CYRIB: variants seen among roughly 807,000 people sequenced by gnomAD.
The protein encoded by CYRIB is CYFIP-related Rac1 interactor B.
Under a neutral mutation model 44.2 loss-of-function variants are expected in CYRIB, and 8 were observed. That is an observed-to-expected ratio of 0.18 (90% CI 0.11 to 0.33). CYRIB has a LOEUF of 0.33. CYRIB is among the 10% of genes least tolerant of loss of function. The pLI, the probability that CYRIB is intolerant of heterozygous loss-of-function variation, is 1.00. For synonymous variants in CYRIB, 131 were observed against 127.2 expected, an observed-to-expected ratio of 1.03 and a Z score of -0.20; for missense variants, 185 against 382.8, an observed-to-expected ratio of 0.48 and a Z score of 4.31.
intron 1 of CYRIB, among the ~76,000 whole-genome samples, chr8:129,917,389 T>G (rs2081278899): frequency 6.6e-6 from 1 of 152,190 alleles, no homozygotes; most frequent in South Asian, 2.1e-4. Flanking sequence ...ACTCCACCTC[T>G]AATCTTTTCT....
At chr8:129,990,556 C>T (rs932920522) in intron 1 of CYRIB, among the ~76,000 whole-genome samples, 5 of 151,758 alleles carry the variant, frequency 3.3e-5, no homozygotes, top group African/African-American at 1.2e-4. Context: ...GACAGGGTTT[C>T]ACTCTGTCAG....
At chr8:129,882,052 CAT>C (rs754437419) in intron 2 of CYRIB, among the ~76,000 whole-genome samples, 1 of 152,126 alleles carries the variant, frequency 6.6e-6, no homozygotes, top group Non-Finnish European at 1.5e-5. Context: ...TGTATCCAAA[CAT>C]ATATAAATTT....
intron 6 of CYRIB, 27 bp from the exon 9 acceptor site, chr8:129,854,370 AT>A: frequency 6.5e-7 from 1 of 1,541,476 alleles, no homozygotes; most frequent in Non-Finnish European, 8.9e-7. Context: ...TGGAAAAAAA[AT>A]GTTATGTACT....
chr8:130,000,768 G>A (rs895055295), intron 1 of CYRIB, among the ~76,000 whole-genome samples: 3 of 152,060 alleles, frequency 2.0e-5, no homozygotes, highest in African/African-American at 7.2e-5. Context: ...TGTAGTCCCA[G>A]CCCTTTGGGA....
chr8:129,917,749 C>T (rs545373628), intron 1 of CYRIB, among the ~76,000 whole-genome samples: 1 of 152,188 alleles, frequency 6.6e-6, no homozygotes, highest in East Asian at 1.9e-4. Context: ...CCCAGCTACT[C>T]AGGAGGCTGA....
chr8:129,944,846 A>T (rs1341311252), intron 2 of CYRIB, among the ~76,000 whole-genome samples: 1 of 152,098 alleles, frequency 6.6e-6, no homozygotes, highest in Non-Finnish European at 1.5e-5. Context: ...GTTTCTTCAG[A>T]TATGTGCAAC....
intron 1 of CYRIB, among the ~76,000 whole-genome samples, chr8:129,914,895 GATTTCAACA>G (rs1223053183): frequency 6.6e-6 from 1 of 152,108 alleles, no homozygotes; most frequent in Non-Finnish European, 1.5e-5. Context: ...ACAGGCAAAA[GATTTCAACA>G]GATAATTCAC....
intron 1 of CYRIB, among the ~76,000 whole-genome samples, chr8:129,935,031 C>G (rs1025210107): frequency 6.6e-6 from 1 of 152,124 alleles, no homozygotes; most frequent in African/African-American, 2.4e-5. Context: ...CTCCCTATAA[C>G]TGGTTGCAGA....
chr8:129,898,317 T>C (rs1278015075), intron 2 of CYRIB, among the ~76,000 whole-genome samples: 2 of 152,146 alleles, frequency 1.3e-5, no homozygotes, highest in Non-Finnish European at 2.9e-5. Flanking sequence ...ATTTCAAGTG[T>C]TCCTAAAAGA....
chr8:129,854,879 G>C (rs1454348071), intron 6 of CYRIB, among the ~76,000 whole-genome samples: 1 of 152,118 alleles, frequency 6.6e-6, no homozygotes, highest in Non-Finnish European at 1.5e-5. Context: ...CTTGATATGA[G>C]ACCTAGTGCT....
intron 10 of CYRIB, among the ~76,000 whole-genome samples, chr8:129,848,394 G>C (rs78873162): frequency 0.018 from 2,794 of 152,288 alleles, 98 homozygotes; most frequent in African/African-American, 0.063. Context: ...TAATGAACTA[G>C]ATGTGAGAGG....
chr8:129,922,391 T>C (rs779702463), intron 1 of CYRIB, among the ~76,000 whole-genome samples: 4 of 152,094 alleles, frequency 2.6e-5, no homozygotes, highest in Non-Finnish European at 5.9e-5. Flanking sequence ...AACTCTAAAG[T>C]ATAAATACAC....
chr8:129,923,442 T>C (rs2085145110), intron 1 of CYRIB, among the ~76,000 whole-genome samples: 1 of 151,794 alleles, frequency 6.6e-6, no homozygotes, highest in Non-Finnish European at 1.5e-5. Flanking sequence ...ACCCAGCTAA[T>C]TTTTGTATTT....
rs556048272 is a variant in CYRIB, at chr8:129,871,928, T to A, written c.74-432A>T. Among the ~76,000 whole-genome samples the A allele has an allele frequency of 1.3e-3, 191 of 152,268 alleles. 1 individual carries two copies. The Middle Eastern group carries it at 0.02, about 16-fold the overall frequency. On this transcript the variant is annotated intron_variant, in intron 3 of 11. Transcript: ENST00000519824. ...TGCTCATGTATAGTTTAAGACAAAC[T>A]ATTTTTATTTTCCTATAAAGTTCAT...
At chr8:129,966,874 T>C (rs1006660977) in intron 2 of CYRIB, among the ~76,000 whole-genome samples, 2 of 152,028 alleles carry the variant, frequency 1.3e-5, no homozygotes, top group South Asian at 2.1e-4. Flanking sequence ...TATATTTTTT[T>C]TGTAGAAACA....
intron 1 of CYRIB, among the ~76,000 whole-genome samples, chr8:129,997,296 C>CT (rs1487287041): frequency 2.0e-5 from 3 of 152,220 alleles, no homozygotes; most frequent in African/African-American, 4.8e-5. Flanking sequence ...TCCTCATTCA[C>CT]TGTCCTTTCA....
At chr8:129,849,333 C>T (rs1564025778) in exon 10 of CYRIB, 2 of 1,613,418 alleles carry the variant, frequency 1.2e-6, no homozygotes, top group African/African-American at 1.3e-5. Flanking sequence ...AGCAGAATGA[C>T]ACTGTCTCTT....
intron 11 of CYRIB, among the ~76,000 whole-genome samples, chr8:129,845,498 A>G (rs1477680792): frequency 1.3e-5 from 2 of 152,260 alleles, no homozygotes; most frequent in Non-Finnish European, 2.9e-5. Flanking sequence ...ATAGTTTGAC[A>G]TTATAAGGAT....
chr8:129,989,229 C>T (rs927964784), intron 1 of CYRIB, among the ~76,000 whole-genome samples: 1 of 152,050 alleles, frequency 6.6e-6, no homozygotes, highest in African/African-American at 2.4e-5. Flanking sequence ...CTGTGTTTAC[C>T]AGCAGGACGA....
Sources: allele counts gnomAD v4.1 joint callset (sites outside exome capture counted in the v4.1 genomes callset), GRCh38; gene constraint gnomAD v4.1.1; transcripts MANE v1.5; gene names NCBI Gene and HGNC (gene_info 2026-07-23, HGNC 2026-07-21).